Variants in NRXN1 observed in about 807,000 individuals in gnomAD.
NRXN1 encodes neurexin 1.
NRXN1 carries 39 observed loss-of-function variants against 150.9 expected under a neutral mutation model. The ratio of observed to expected loss-of-function variants is 0.26; its 90% CI spans 0.20 to 0.34. The LOEUF (loss-of-function observed/expected upper bound fraction) is 0.34. Ranked by LOEUF, NRXN1 falls within the 10% of genes least tolerant of loss-of-function variation. The probability of loss-of-function intolerance (pLI) is 1.00; values close to 1 mark genes in which losing one functional copy is unlikely to be tolerated. For synonymous variants in NRXN1, 924 were observed against 757.0 expected (o/e 1.22, Z -3.62); for missense variants, 1,815 against 1,949.9 (o/e 0.93, Z 1.30).
intron 21 of NRXN1, among the ~76,000 whole-genome samples, chr2:49,955,224 T>C (rs1215930090): frequency 1.3e-5 from 2 of 152,160 alleles, no homozygotes; most frequent in African/African-American, 4.8e-5. Flanking sequence ...TACCAGCTAA[T>C]TAAATCTCAA....
At chr2:50,142,434 A>G (rs1258058012) in intron 18 of NRXN1, among the ~76,000 whole-genome samples, 1 of 151,934 alleles carries the variant, frequency 6.6e-6, no homozygotes, top group Non-Finnish European at 1.5e-5. Flanking sequence ...ATTGCATTTT[A>G]TATTTCAAAA....
chr2:50,341,413 T>A (rs556300544), intron 17 of NRXN1, among the ~76,000 whole-genome samples: 1,604 of 148,170 alleles, frequency 0.011, 25 homozygotes, highest in African/African-American at 0.038. Flanking sequence ...AAAAAAAAAA[T>A]CATTGGGAAC....
At chr2:50,684,385 C>T (rs1427162805) in intron 5 of NRXN1, among the ~76,000 whole-genome samples, 1 of 151,968 alleles carries the variant, frequency 6.6e-6, no homozygotes, top group African/African-American at 2.4e-5. Flanking sequence ...TGCCTGTAGT[C>T]CCAGCTACTA....
intron 17 of NRXN1, among the ~76,000 whole-genome samples, chr2:50,256,235 C>G (rs761373882): frequency 7.2e-5 from 11 of 152,136 alleles, no homozygotes; most frequent in Admixed American, 4.6e-4. Context: ...GAAAACTCAG[C>G]AATATCCTGG....
chr2:50,597,571 T>C (rs997901283), intron 8 of NRXN1, among the ~76,000 whole-genome samples: 5 of 152,200 alleles, frequency 3.3e-5, no homozygotes, highest in Non-Finnish European at 4.4e-5. Flanking sequence ...CTCATTAAAC[T>C]TCCCAGAATG....
intron 21 of NRXN1, among the ~76,000 whole-genome samples, chr2:50,043,281 T>G (rs547707559): frequency 6.6e-6 from 1 of 152,166 alleles, no homozygotes; most frequent in Non-Finnish European, 1.5e-5. Context: ...AATTCTCTCT[T>G]TGGACAGTGG....
At chr2:50,386,312 G>T (rs771349549) in intron 17 of NRXN1, among the ~76,000 whole-genome samples, 1 of 151,952 alleles carries the variant, frequency 6.6e-6, no homozygotes, top group Non-Finnish European at 1.5e-5. Context: ...AAATATTGGA[G>T]ATTTGTCTTA....
intron 17 of NRXN1, among the ~76,000 whole-genome samples, chr2:50,361,447 C>T (rs1046882419): frequency 7.2e-5 from 11 of 152,154 alleles, no homozygotes; most frequent in African/African-American, 2.7e-4. Flanking sequence ...ACTGATCCCA[C>T]AGATATACAA....
intron 5 of NRXN1, among the ~76,000 whole-genome samples, chr2:50,680,970 GTTAAC>G (rs1395584609): frequency 1.3e-5 from 2 of 151,926 alleles, no homozygotes; most frequent in South Asian, 4.2e-4. Flanking sequence ...AATAATAATA[GTTAAC>G]TTAGTAAAAA....
At chr2:50,456,600 A>AT (rs372760939) in intron 17 of NRXN1, among the ~76,000 whole-genome samples, 13 of 151,964 alleles carry the variant, frequency 8.6e-5, no homozygotes, top group African/African-American at 9.6e-5. Flanking sequence ...TCACAGTAAT[A>AT]TTTTTTTTCC....
chr2:50,183,578 A>G (rs1191990064), intron 18 of NRXN1, among the ~76,000 whole-genome samples: 1 of 151,502 alleles, frequency 6.6e-6, no homozygotes, highest in Non-Finnish European at 1.5e-5. Context: ...TGCTGATTCA[A>G]TATTTGTAGA....
chr2:50,919,762 T>C (rs75240553), intron 5 of NRXN1: 2,124 of 155,276 alleles, frequency 0.014, 25 homozygotes, highest in Non-Finnish European at 0.02. Flanking sequence ...CCAGATTTTT[T>C]TTTAATTCCT....
intron 13 of NRXN1, among the ~76,000 whole-genome samples, chr2:50,499,451 A>C (rs2091826486): frequency 6.6e-6 from 1 of 152,112 alleles, no homozygotes; most frequent in African/African-American, 2.4e-5. Flanking sequence ...GTACTATTAC[A>C]TCCTTGTCAA....
At chr2:49,950,544 G>A (rs1673745262) in intron 21 of NRXN1, among the ~76,000 whole-genome samples, 2 of 151,894 alleles carry the variant, frequency 1.3e-5, no homozygotes, top group Non-Finnish European at 2.9e-5. Flanking sequence ...TATAAATTGT[G>A]GTTCCGATAT....
chr2:50,389,693 T>A (rs2081561308), intron 17 of NRXN1, among the ~76,000 whole-genome samples: 1 of 152,186 alleles, frequency 6.6e-6, no homozygotes, highest in Non-Finnish European at 1.5e-5. Context: ...AATAAATTGC[T>A]ATTTTTTATC....
chr2:50,211,155 G>A (rs1262585524), intron 18 of NRXN1, among the ~76,000 whole-genome samples: 1 of 151,536 alleles, frequency 6.6e-6, no homozygotes, highest in African/African-American at 2.4e-5. Flanking sequence ...AAAACTTGTT[G>A]AGGGAAGTTC....
In NRXN1 at chr2:50,440,062, T is replaced by C. The variant is rs900709181; in HGVS notation, c.3364+25380A>G. On this transcript the variant is annotated intron_variant, in intron 17 of 22. Transcript: ENST00000401669. ...TATGACTAGAGGAAAAAGGGAAAGA[T>C]TTACGGACACTTCAACTCATCCTCA... Among the ~76,000 whole-genome samples, 3 of 152,096 alleles carry C rather than the reference T, an allele frequency of 2.0e-5. No homozygotes were observed. The South Asian group carries it at 6.2e-4, about 32-fold the overall frequency.
intron 5 of NRXN1, among the ~76,000 whole-genome samples, chr2:50,891,344 C>T (rs1681035025): frequency 6.6e-6 from 1 of 152,008 alleles, no homozygotes; most frequent in Non-Finnish European, 1.5e-5. Flanking sequence ...TTCATAGTTA[C>T]CAGACTGACC....
At chr2:49,963,284 A>G (rs780056035) in intron 21 of NRXN1, among the ~76,000 whole-genome samples, 10 of 152,178 alleles carry the variant, frequency 6.6e-5, no homozygotes, top group Non-Finnish European at 1.0e-4. Flanking sequence ...ACTGCTATGT[A>G]TTGGCTTCAA....
Sources: gnomAD v4.1 joint callset for allele counts (sites outside exome capture counted in the v4.1 genomes callset) on GRCh38, gnomAD v4.1.1 for gene constraint, MANE v1.5 for transcripts, NCBI Gene and HGNC (gene_info 2026-07-23, HGNC 2026-07-21) for gene names.